DCUN1D1: variants seen among roughly 807,000 people sequenced by gnomAD.
DCUN1D1 encodes the protein defective in cullin neddylation 1 domain containing 1.
A neutral mutation model predicts 39.0 loss-of-function variants in DCUN1D1; 3 were observed. The observed-to-expected ratio is 0.08, with a 90% CI of 0.04 to 0.20. The LOEUF (loss-of-function observed/expected upper bound fraction) is 0.20, where lower values mean the gene tolerates loss of function less well. Ranked by LOEUF, DCUN1D1 falls within the 10% of genes least tolerant of loss-of-function variation. The pLI, the probability that DCUN1D1 is intolerant of heterozygous loss-of-function variation, is 1.00. For synonymous variants in DCUN1D1, 82 were observed against 96.3 expected, an observed-to-expected ratio of 0.85 and a Z score of 0.87; for missense variants, 158 against 302.4, an observed-to-expected ratio of 0.52 and a Z score of 3.54.
intron 3 of DCUN1D1, among the ~76,000 whole-genome samples, chr3:182,962,735 A>C (rs1727464175): frequency 6.6e-6 from 1 of 152,144 alleles, no homozygotes; most frequent in Admixed American, 6.5e-5. Context: ...AGAGTAAAGC[A>C]AGTCTTTAAA....
intron 1 of DCUN1D1, 188 bp downstream of exon 1, chr3:182,980,299 C>G: frequency 2.8e-6 from 1 of 360,310 alleles, no homozygotes; most frequent in Non-Finnish European, 3.9e-6. Flanking sequence ...CGGCTGCGCC[C>G]GGGCGGGAAG....
At chr3:182,976,829 CG>C (rs1296227578) in intron 1 of DCUN1D1, among the ~76,000 whole-genome samples, 1 of 152,100 alleles carries the variant, frequency 6.6e-6, no homozygotes, top group African/African-American at 2.4e-5. Context: ...ACACAGCAGA[CG>C]TATAATAATC....
At chr3:182,965,968 A>G (rs562657813) in intron 1 of DCUN1D1, among the ~76,000 whole-genome samples, 15 of 152,288 alleles carry the variant, frequency 9.8e-5, no homozygotes, top group African/African-American at 3.6e-4. Flanking sequence ...GAAGAGAAAT[A>G]GGACAGAAGC....
chr3:182,950,233 C>T lies in DCUN1D1; in HGVS notation c.521-2601G>A, dbSNP rs111762215. Among the ~76,000 whole-genome samples, 364 of 152,086 alleles carry T rather than the reference C, an allele frequency of 2.4e-3. 6 individuals carry two copies. In the East Asian group the frequency reaches 0.028, roughly 12 times the overall value. On this transcript the variant is annotated intron_variant, in intron 4 of 6. Coordinates refer to ENST00000292782, the MANE Select transcript of DCUN1D1 (RefSeq NM_020640.4). The stretch of plus-strand genomic sequence containing the variant: ...TGCAATCTCGGTTCACTGCAACCTC[C>T]GACTCCCTGGTTCAAGCAATTCTCC...
In DCUN1D1 at chr3:182,961,331, C is replaced by A; in HGVS notation, c.415G>T (p.Ala139Ser). The A allele has an allele frequency of 3.7e-6, 6 of 1,600,888 alleles. No individual in the cohort carries two copies. The highest frequency in any genetic ancestry group is 5.1e-6 in the Non-Finnish European group (6 of 1,175,462). ...LGCDSIEKLK[A>S]QIPKMEQELK... ...TCTTGTTCCATCTTGGGTATCTGGG[C>A]CTTTAGTTTTTCTATGCTGTCACAT... The change falls in exon 4 of 7, where the codon GCC becomes TCC. Residue 139 changes from alanine to serine, a missense_variant. Ala to Ser is a moderately conservative substitution (Grantham distance 99). Transcript: ENST00000292782.
At chr3:182,974,515 A>T (rs979842913) in intron 1 of DCUN1D1, among the ~76,000 whole-genome samples, 1 of 150,942 alleles carries the variant, frequency 6.6e-6, no homozygotes, top group African/African-American at 2.5e-5. Flanking sequence ...ATTAAATGAG[A>T]TTTTTAAAAT....
rs769421524 is a variant in DCUN1D1 at position 182,947,614 on chromosome 3, G to C, written c.539C>G (p.Ala180Gly). Reference protein sequence around the residue: ...QKGLDLEMAIAYWNLVLNGRF... With the variant: ...QKGLDLEMAIGYWNLVLNGRF... ...TCCATTAAGCACTAAGTTCCAGTAG[G>C]CAATGGCCATTTCTAGATCTGAAAT... is the stretch of plus-strand genomic sequence containing the variant. The change falls in exon 5 of 7, where the codon GCC becomes GGC. Residue 180 changes from alanine (A) to glycine (G), a missense_variant. This residue lies in a region of DCUN1D1 where 107 missense variants were observed against 174.7 expected (regional missense o/e 0.61). Coordinates refer to ENST00000292782, the MANE Select transcript of DCUN1D1 (RefSeq NM_020640.4). The C allele has an allele frequency of 1.9e-6, 3 of 1,574,890 alleles. No homozygotes were observed. In the East Asian group the frequency reaches 6.8e-5, roughly 35 times the overall value.
intron 4 of DCUN1D1, among the ~76,000 whole-genome samples, chr3:182,956,653 T>C (rs1336086039): frequency 1.3e-5 from 2 of 152,246 alleles, no homozygotes; most frequent in Non-Finnish European, 2.9e-5. Flanking sequence ...AATATTAAAC[T>C]AAATATTTAA....
rs919509485 is a variant in DCUN1D1 at position 182,945,027 on chromosome 3, T to C, written c.*67A>G. Reference sequence around the variant, plus strand: ...TTCAGTTCAGTCCAGCCAGCAGAAATTGACTGTGCAATTTTCTGTTGTATT... The same window carrying C: ...TTCAGTTCAGTCCAGCCAGCAGAAACTGACTGTGCAATTTTCTGTTGTATT... On this transcript the variant is annotated 3_prime_UTR_variant, in exon 7 of 7. Coordinates refer to ENST00000292782, the MANE Select transcript of DCUN1D1 (RefSeq NM_020640.4). The C allele has an allele frequency of 1.2e-5, 16 of 1,361,084 alleles. No individual in the cohort carries two copies. In the African/African-American group the frequency reaches 2.0e-4, roughly 17 times the overall value. 84.3% of individuals were successfully genotyped at this position (1,361,084 alleles called of 1,614,324 possible). A position where few individuals can be genotyped will look rare whatever the true frequency, so the allele number is the denominator to read the frequency against.
chr3:182,954,082 A>C (rs906772222), intron 4 of DCUN1D1, among the ~76,000 whole-genome samples: 1 of 152,234 alleles, frequency 6.6e-6, no homozygotes, highest in Non-Finnish European at 1.5e-5. Context: ...ATCAATCTCA[A>C]CAAATTTTAT....
At chr3:182,981,302 G>A (rs187612522), upstream of DCUN1D1, among the ~76,000 whole-genome samples, 21 of 152,238 alleles carry the variant, frequency 1.4e-4, no homozygotes, top group East Asian at 3.5e-3. Context: ...AGTTCGGCCC[G>A]CCCAGGATAA....
At chr3:182,947,178 C>T (rs1321505372) in intron 6 of DCUN1D1, 60 bp downstream of exon 6, 12 of 850,844 alleles carry the variant, frequency 1.4e-5, no homozygotes, top group African/African-American at 3.5e-5. Context: ...CTAAGAAGTT[C>T]AAGGGTATGG....
At chr3:182,956,416 AAC>A (rs752290751) in intron 4 of DCUN1D1, 17 of 197,418 alleles carry the variant, frequency 8.6e-5, no homozygotes, top group Non-Finnish European at 1.7e-4. Flanking sequence ...ACAACAATAA[AAC>A]ACAGAATGTG....
upstream of DCUN1D1, among the ~76,000 whole-genome samples, chr3:182,984,971 C>T (rs181579495): frequency 3.3e-5 from 5 of 152,322 alleles, no homozygotes; most frequent in African/African-American, 9.6e-5. Flanking sequence ...CTTGGGTGCT[C>T]TCAATTTTGC....
At position 182,940,996 on chromosome 3, in the gene DCUN1D1, G is replaced by A. The variant is rs1317754007; in HGVS notation, c.*4098C>T. Reference sequence around the variant, plus strand: ...TACCATAACTTCCTTATTTGTGACAGATTTTTCAAAATCAACCAAAGGAAA... The same window carrying A: ...TACCATAACTTCCTTATTTGTGACAAATTTTTCAAAATCAACCAAAGGAAA... On this transcript the variant is annotated 3_prime_UTR_variant, in exon 7 of 7. Transcript: ENST00000292782. 1.3e-5 allele frequency: 2 copies of A among 151,956 alleles called. No homozygotes were observed. Among genetic ancestry groups the A allele is most frequent in the Admixed American group, 1.3e-4 (2 of 15,244 alleles). The allele number at this position is 151,956 out of a possible 1,614,324, so 9.4% of individuals were successfully genotyped here.
chr3:182,955,119 C>A (rs1726967249), intron 4 of DCUN1D1, among the ~76,000 whole-genome samples: 1 of 151,968 alleles, frequency 6.6e-6, no homozygotes, highest in Non-Finnish European at 1.5e-5. Context: ...CGGCTCACTG[C>A]AACCTCTGCC....
intron 4 of DCUN1D1, among the ~76,000 whole-genome samples, chr3:182,955,016 G>T (rs889690933): frequency 6.6e-6 from 1 of 151,358 alleles, no homozygotes; most frequent in Non-Finnish European, 1.5e-5. Context: ...GTCAGAAGTT[G>T]GTCAGAATTT....
At chr3:182,973,807 C>T in intron 1 of DCUN1D1, among the ~76,000 whole-genome samples, 1 of 88,600 alleles carries the variant, frequency 1.1e-5, no homozygotes, top group South Asian at 3.6e-4. Flanking sequence ...AACTCCGGCT[C>T]AAAAAAAAAA....
chr3:182,965,881 GATTT>G lies in DCUN1D1; in HGVS notation c.4-132_4-129del, dbSNP rs1458214165. On this transcript the variant is annotated intron_variant, in intron 1 of 6. Transcript: ENST00000292782. ...AAAACATTAAAACATTTTAGCTTAA[GATTT>G]ATTTTTGATCTATTATTCATCAGAA... is the stretch of plus-strand genomic sequence containing the variant. The G allele has an allele frequency of 6.1e-6, 4 of 653,718 alleles. No individual in the cohort carries two copies. The African/African-American group carries it at 7.3e-5, about 12-fold the overall frequency. The allele number at this position is 653,718 out of a possible 1,614,324, so 40.5% of individuals were successfully genotyped here. A position where few individuals can be genotyped will look rare whatever the true frequency, so the allele number is the denominator to read the frequency against.
Sources: allele counts gnomAD v4.1 joint callset (sites outside exome capture counted in the v4.1 genomes callset), GRCh38; gene constraint gnomAD v4.1.1; regional missense constraint gnomAD v4.1.1; transcripts MANE v1.5; gene names NCBI Gene and HGNC (gene_info 2026-07-23, HGNC 2026-07-21).